KCNQ5: variants seen among roughly 807,000 people sequenced by gnomAD.
KCNQ5 encodes potassium voltage-gated channel subfamily Q member 5, also known as potassium voltage-gated channel subfamily KQT member 5.
In KCNQ5, 30 loss-of-function variants were observed where a neutral mutation model predicts 98.2. That is an observed-to-expected ratio of 0.31 (90% CI 0.23 to 0.41). The LOEUF (loss-of-function observed/expected upper bound fraction) is 0.41. KCNQ5 is among the 10% of genes least tolerant of loss of function. KCNQ5 has a pLI of 1.00. For synonymous variants in KCNQ5, 458 were observed against 449.4 expected (o/e 1.02, Z -0.24); for missense variants, 835 against 1,182.5 (o/e 0.71, Z 4.31).
chr6:72,867,385 GC>G (rs1778030805), intron 1 of KCNQ5, among the ~76,000 whole-genome samples: 1 of 152,194 alleles, frequency 6.6e-6, no homozygotes, highest in Admixed American at 6.5e-5. Context: ...GTCTTAAGGT[GC>G]CTTAAAAGAA....
At chr6:72,855,359 C>A (rs746606758) in intron 1 of KCNQ5, among the ~76,000 whole-genome samples, 3 of 150,510 alleles carry the variant, frequency 2.0e-5, no homozygotes, top group Non-Finnish European at 3.0e-5. Flanking sequence ...TACTAAAATG[C>A]TAGGTTAAAA....
At chr6:72,937,913 G>T (rs1358097837) in intron 1 of KCNQ5, among the ~76,000 whole-genome samples, 1 of 152,138 alleles carries the variant, frequency 6.6e-6, no homozygotes, top group East Asian at 1.9e-4. Flanking sequence ...CCATGATGGA[G>T]TTAATACTGG....
In KCNQ5 at chr6:72,689,888, T is replaced by G. The variant is rs535195556; in HGVS notation, c.398+67301T>G. ...TTGGGTAACTGATTTTTCTTCTGTTTCGAGAGTTATTTAGTTATTTAAGAG... is the reference window on the plus strand; with the variant it reads ...TTGGGTAACTGATTTTTCTTCTGTTGCGAGAGTTATTTAGTTATTTAAGAG... On this transcript the variant is annotated intron_variant, in intron 1 of 13. Transcript: ENST00000370398. Among the ~76,000 whole-genome samples the G allele has an allele frequency of 3.3e-5, 5 of 152,254 alleles. No individual in the cohort carries two copies. The East Asian group carries it at 9.6e-4, about 29-fold the overall frequency.
intron 1 of KCNQ5, among the ~76,000 whole-genome samples, chr6:72,854,758 T>TGTGTG (rs1777451483): frequency 1.6e-5 from 2 of 127,158 alleles, no homozygotes; most frequent in Non-Finnish European, 1.7e-5. Flanking sequence ...ACACCATGGT[T>TGTGTG]TGTGTGTGTG....
intron 5 of KCNQ5, among the ~76,000 whole-genome samples, chr6:73,090,714 T>C (rs1259063711): frequency 1.3e-5 from 2 of 152,244 alleles, no homozygotes; most frequent in East Asian, 3.9e-4. Context: ...AACAAAATTA[T>C]GAAAAAATGC....
intron 5 of KCNQ5, among the ~76,000 whole-genome samples, chr6:73,104,278 A>G (rs1774914973): frequency 6.6e-6 from 1 of 152,162 alleles, no homozygotes; most frequent in Admixed American, 6.6e-5. Context: ...CAACACCACA[A>G]AAATCACTAG....
chr6:72,887,822 A>C (rs534781635), intron 1 of KCNQ5, among the ~76,000 whole-genome samples: 1 of 152,208 alleles, frequency 6.6e-6, no homozygotes, highest in Non-Finnish European at 1.5e-5. Flanking sequence ...AAAAAACCTA[A>C]TTAGCTTGAA....
In KCNQ5 at chr6:73,192,668, C is replaced by T. The variant is rs1377270622; in HGVS notation, c.1813C>T (p.Arg605Trp). The change falls in exon 13 of 14, where the codon CGG (arginine) becomes TGG (tryptophan). Residue 605 changes from arginine (R) to tryptophan (W), a missense_variant. Physicochemically the swap from Arg to Trp is moderately radical, Grantham distance 101. Around this residue, in one of 10 missense-constraint regions of KCNQ5, gnomAD observed 416 missense variants for 446.9 expected, o/e 0.93. Transcript: ENST00000370398. ...CACAGACGATCTCAGTATGCTCGGT[C>T]GGGTGGTCAAGGTTGAAAAACAGGT... ...ETTDDLSMLG[R>W]VVKVEKQVQS... 3 of 1,598,386 alleles carry T rather than the reference C, an allele frequency of 1.9e-6. No individual in the cohort carries two copies.
chr6:73,136,577 C>T (rs1776479905), intron 10 of KCNQ5: 1 of 152,176 alleles, frequency 6.6e-6, no homozygotes, highest in African/African-American at 2.4e-5. Context: ...CTGAGTTTCC[C>T]AAGTGACCAG....
intron 11 of KCNQ5, among the ~76,000 whole-genome samples, chr6:73,176,226 G>A (rs569884841): frequency 1.2e-4 from 19 of 152,194 alleles, no homozygotes; most frequent in Non-Finnish European, 2.2e-4. Context: ...GAGGTGATTG[G>A]ATCATGGGGG....
At chr6:72,623,241 A>C (rs1305714152) in intron 1 of KCNQ5, among the ~76,000 whole-genome samples, 1 of 152,108 alleles carries the variant, frequency 6.6e-6, no homozygotes, top group African/African-American at 2.4e-5. Flanking sequence ...CAGGCGAAGC[A>C]ACGCTCCCGC....
At chr6:72,780,714 G>A (rs190821362) in intron 1 of KCNQ5, among the ~76,000 whole-genome samples, 59 of 152,280 alleles carry the variant, frequency 3.9e-4, no homozygotes, top group South Asian at 1.9e-3. Flanking sequence ...TAATCAACTG[G>A]ATAACATGTA....
chr6:72,885,969 T>C (rs1281531749), intron 1 of KCNQ5, among the ~76,000 whole-genome samples: 1 of 152,206 alleles, frequency 6.6e-6, no homozygotes, highest in African/African-American at 2.4e-5. Flanking sequence ...TCACATTATC[T>C]GTGTGTTCCC....
At chr6:72,880,117 T>C (rs914761880) in intron 1 of KCNQ5, among the ~76,000 whole-genome samples, 4 of 152,236 alleles carry the variant, frequency 2.6e-5, no homozygotes, top group Admixed American at 6.5e-5. Flanking sequence ...TATGGTTTGT[T>C]TGGAAAATGA....
intron 2 of KCNQ5, among the ~76,000 whole-genome samples, chr6:73,027,665 A>C (rs989571369): frequency 2.0e-5 from 3 of 152,218 alleles, no homozygotes; most frequent in Admixed American, 1.3e-4. Context: ...CCTCTTAACT[A>C]TGCTAAATCT....
chr6:72,778,201 G>T (rs1773260388), intron 1 of KCNQ5, among the ~76,000 whole-genome samples: 2 of 152,178 alleles, frequency 1.3e-5, no homozygotes, highest in Non-Finnish European at 2.9e-5. Context: ...ATAGGTTTTA[G>T]AAATCTATTG....
intron 1 of KCNQ5, among the ~76,000 whole-genome samples, chr6:72,966,694 A>G (rs1168017577): frequency 1.3e-5 from 2 of 152,238 alleles, no homozygotes; most frequent in Admixed American, 1.3e-4. Context: ...GGAAACAGAA[A>G]CATGGGTTCA....
At chr6:73,122,106 A>C (rs189904559) in intron 8 of KCNQ5, among the ~76,000 whole-genome samples, 1 of 152,356 alleles carries the variant, frequency 6.6e-6, no homozygotes, top group East Asian at 1.9e-4. Context: ...GATATTAAAA[A>C]ACCGAAAATA....
At chr6:72,782,692 C>A (rs1773550787) in intron 1 of KCNQ5, among the ~76,000 whole-genome samples, 1 of 151,978 alleles carries the variant, frequency 6.6e-6, no homozygotes, top group African/African-American at 2.4e-5. Context: ...TATCATAACA[C>A]CAGGTTATGA....
Sources: allele counts gnomAD v4.1 joint callset (sites outside exome capture counted in the v4.1 genomes callset), GRCh38; gene constraint gnomAD v4.1.1; regional missense constraint gnomAD v4.1.1; transcripts MANE v1.5; gene names NCBI Gene and HGNC (gene_info 2026-07-23, HGNC 2026-07-21).